The following TAFA2 variants were observed in gnomAD, a reference collection of about 807,000 sequenced individuals.
The protein encoded by TAFA2 is TAFA chemokine like family member 2.
In TAFA2, 7 loss-of-function variants were observed where a neutral mutation model predicts 18.8. The ratio of observed to expected loss-of-function variants is 0.37; its 90% CI spans 0.21 to 0.70. The LOEUF is 0.70. TAFA2 is among the 30% of genes least tolerant of loss of function. The pLI is 0.53. For synonymous variants in TAFA2, 60 were observed against 54.2 expected (o/e 1.11, Z -0.47); for missense variants, 122 against 158.1 (o/e 0.77, Z 1.23).
At chr12:61,819,027 C>T (rs1325219838) in intron 2 of TAFA2, among the ~76,000 whole-genome samples, 1 of 152,142 alleles carries the variant, frequency 6.6e-6, no homozygotes, top group East Asian at 1.9e-4. Flanking sequence ...ACCTAGTCCC[C>T]ATCCAGCCAT....
chr12:61,751,056 T>C (rs1016601958), intron 4 of TAFA2, among the ~76,000 whole-genome samples: 3 of 152,092 alleles, frequency 2.0e-5, no homozygotes, highest in African/African-American at 7.2e-5. Context: ...TCAAAAGTAG[T>C]GCTATTTATG....
intron 1 of TAFA2, among the ~76,000 whole-genome samples, chr12:61,993,377 C>G (rs1426082666): frequency 2.0e-5 from 3 of 152,038 alleles, no homozygotes; most frequent in Non-Finnish European, 2.9e-5. Flanking sequence ...CTGTAATTTT[C>G]TAATGTATAT....
chr12:61,930,789 G>A (rs1260055446), intron 1 of TAFA2, among the ~76,000 whole-genome samples: 2 of 152,180 alleles, frequency 1.3e-5, no homozygotes, highest in Non-Finnish European at 2.9e-5. Flanking sequence ...ATGAGGAAGA[G>A]AATAAATAAT....
At chr12:62,139,071 G>A (rs914575210) in intron 1 of TAFA2, among the ~76,000 whole-genome samples, 1 of 152,128 alleles carries the variant, frequency 6.6e-6, no homozygotes, top group Non-Finnish European at 1.5e-5. Flanking sequence ...ATGCTTGGGG[G>A]CGGGGGAGAG....
intron 1 of TAFA2, among the ~76,000 whole-genome samples, chr12:62,154,886 T>G (rs918494924): frequency 6.6e-6 from 1 of 151,912 alleles, no homozygotes; most frequent in Non-Finnish European, 1.5e-5. Flanking sequence ...ACAGGTGAAA[T>G]AGGACAAGGT....
chr12:62,015,264 A>G (rs908485671), intron 1 of TAFA2, among the ~76,000 whole-genome samples: 2 of 152,214 alleles, frequency 1.3e-5, no homozygotes, highest in African/African-American at 4.8e-5. Flanking sequence ...AAGTCCAAGG[A>G]TCATGTCTAT....
intron 1 of TAFA2, among the ~76,000 whole-genome samples, chr12:61,929,184 A>G (rs995809126): frequency 6.6e-6 from 1 of 151,432 alleles, no homozygotes; most frequent in Non-Finnish European, 1.5e-5. Flanking sequence ...AGGAGAAAGG[A>G]TCCAATGCAC....
At chr12:61,869,838 T>A (rs1426062642) in intron 1 of TAFA2, among the ~76,000 whole-genome samples, 2 of 152,168 alleles carry the variant, frequency 1.3e-5, no homozygotes, top group Admixed American at 6.5e-5. Flanking sequence ...CCATCCTGAC[T>A]CCCCTCTGCA....
intron 4 of TAFA2, among the ~76,000 whole-genome samples, chr12:61,724,389 C>A (rs377686377): frequency 1.3e-5 from 2 of 150,992 alleles, no homozygotes; most frequent in East Asian, 3.9e-4. Context: ...TCCTTTCTTC[C>A]TTCCTTCCAT....
chr12:61,744,129 G>A (rs575749280), intron 4 of TAFA2, among the ~76,000 whole-genome samples: 2 of 152,174 alleles, frequency 1.3e-5, no homozygotes, highest in East Asian at 3.9e-4. Context: ...CAGCCCTCAG[G>A]TAAGAGACAG....
chr12:62,019,483 T>C (rs1592553254), intron 1 of TAFA2, among the ~76,000 whole-genome samples: 1 of 150,570 alleles, frequency 6.6e-6, no homozygotes, highest in African/African-American at 2.5e-5. Flanking sequence ...TGGAATACTA[T>C]GCAGCCATAA....
chr12:62,181,289 C>T (rs774027232), intron 1 of TAFA2, among the ~76,000 whole-genome samples: 1 of 152,198 alleles, frequency 6.6e-6, no homozygotes, highest in Non-Finnish European at 1.5e-5. Flanking sequence ...TATGTAACTA[C>T]TGATCCCATC....
chr12:61,977,901 G>T (rs1334538463), intron 1 of TAFA2, among the ~76,000 whole-genome samples: 1 of 105,056 alleles, frequency 9.5e-6, no homozygotes, highest in Admixed American at 1.2e-4. Flanking sequence ...AAGGGGAGAG[G>T]ATAGGAAATA....
intron 1 of TAFA2, among the ~76,000 whole-genome samples, chr12:62,084,268 C>T (rs539655896): frequency 4.0e-4 from 61 of 152,252 alleles, no homozygotes; most frequent in Admixed American, 6.5e-4. Flanking sequence ...ATGCTTGATA[C>T]TTAAATACCT....
intron 2 of TAFA2, among the ~76,000 whole-genome samples, chr12:61,837,307 C>G (rs1215346754): frequency 6.6e-6 from 1 of 151,656 alleles, no homozygotes; most frequent in Non-Finnish European, 1.5e-5. Context: ...TGTGGTGCAC[C>G]TTTGTTATTT....
chr12:62,010,295 G>A (rs1405904472), intron 1 of TAFA2, among the ~76,000 whole-genome samples: 4 of 151,974 alleles, frequency 2.6e-5, no homozygotes, highest in African/African-American at 9.7e-5. Flanking sequence ...CTTGGCCTGG[G>A]TTTGCCAGCG....
At chr12:62,128,585 T>C (rs975846736) in intron 1 of TAFA2, among the ~76,000 whole-genome samples, 11 of 152,156 alleles carry the variant, frequency 7.2e-5, no homozygotes, top group African/African-American at 2.6e-4. Context: ...CCGCTCACCA[T>C]TCTCAGTACT....
chr12:62,213,065 A>C (rs2136974173), intron 1 of TAFA2, among the ~76,000 whole-genome samples: 2 of 152,320 alleles, frequency 1.3e-5, no homozygotes, highest in East Asian at 3.9e-4. Context: ...CCCATCTCTG[A>C]ATCAATTCAT....
At chr12:61,976,821 G>T (rs997886718) in intron 1 of TAFA2, among the ~76,000 whole-genome samples, 3 of 152,022 alleles carry the variant, frequency 2.0e-5, no homozygotes, top group Non-Finnish European at 4.4e-5. Flanking sequence ...ATGGTTTCCA[G>T]CTTCATCCAT....
Sources: gnomAD v4.1 joint callset for allele counts (sites outside exome capture counted in the v4.1 genomes callset) on GRCh38, gnomAD v4.1.1 for gene constraint, MANE v1.5 for transcripts, NCBI Gene and HGNC (gene_info 2026-07-23, HGNC 2026-07-21) for gene names.